The following SNAPC4 variants were observed in gnomAD, a reference collection of about 807,000 sequenced individuals.
SNAPC4 encodes small nuclear RNA activating complex polypeptide 4.
SNAPC4 carries 127 observed loss-of-function variants against 151.3 expected under a neutral mutation model. The ratio of observed to expected loss-of-function variants is 0.84; its 90% CI spans 0.73 to 0.97. The LOEUF (loss-of-function observed/expected upper bound fraction) is 0.97, where lower values mean the gene tolerates loss of function less well. SNAPC4 is among the 50% of genes least tolerant of loss of function. The probability of loss-of-function intolerance (pLI) is 0.00; values close to 1 mark genes in which losing one functional copy is unlikely to be tolerated. For missense variants in SNAPC4, 2,186 were observed against 1,935.0 expected (o/e 1.13, Z -2.43); for synonymous variants, 1,002 against 824.4 (o/e 1.22, Z -3.69).
In SNAPC4 at chr9:136,377,592, G is replaced by A. The variant is rs760374521; in HGVS notation, c.4235C>T (p.Ala1412Val). ...GCAGCCCGGCTGCCCGTCCCTGTCT[G>A]CAAGTTCCAGCTCACTCAGGAGGTC... Reference protein sequence around the residue: ...DEDLLSELELADRDGQPGCTT... With the variant: ...DEDLLSELELVDRDGQPGCTT... Residue 1412 changes from alanine to valine, a missense_variant, in exon 22 of 24, where the codon GCA becomes GTA. Physicochemically the swap from Ala to Val is moderately conservative, Grantham distance 64. Transcript: ENST00000684778. 1 of 1,531,374 alleles carries A rather than the reference G, an allele frequency of 6.5e-7. No individual in the cohort carries two copies. The highest frequency in any genetic ancestry group is 1.3e-5 in the South Asian group (1 of 80,000). The allele number at this position is 1,531,374 out of a possible 1,614,324, so 94.9% of individuals were successfully genotyped here.
chr9:136,392,157 C>A, intron 9 of SNAPC4, 51 bp from the exon 10 acceptor site: 1 of 1,599,986 alleles, frequency 6.3e-7, no homozygotes, highest in Non-Finnish European at 8.5e-7. Context: ...CCAGGGGCAC[C>A]CTAGACGCAG....
chr9:136,385,141 C>T (rs1289935819), intron 13 of SNAPC4, among the ~76,000 whole-genome samples: 1 of 152,222 alleles, frequency 6.6e-6, no homozygotes, highest in Non-Finnish European at 1.5e-5. Flanking sequence ...CTTCAACAGA[C>T]ACTTCTCTAA....
intron 11 of SNAPC4, 45 bp from the exon 12 acceptor site, chr9:136,387,893 A>G: frequency 9.2e-7 from 1 of 1,082,508 alleles, no homozygotes. Context: ...CGAGACACAC[A>G]CCCTCCATAG....
chr9:136,380,995 C>T, intron 19 of SNAPC4, 145 bp from the exon 20 acceptor site: 2 of 613,418 alleles, frequency 3.3e-6, no homozygotes, highest in Non-Finnish European at 5.9e-6. Context: ...GATGCAGATG[C>T]AGGGGAGGCC....
At position 136,385,426 on chromosome 9, in the gene SNAPC4, G is replaced by A. The variant is rs554089135; in HGVS notation, c.1326-612C>T. On this transcript the variant is annotated intron_variant, in intron 13 of 23. Coordinates refer to ENST00000684778, the MANE Select transcript of SNAPC4 (RefSeq NM_003086.4). ...CCCGGACCGAGCAATTTCACTCGCA[G>A]GATATAGCTGAGAGAAATAAACAGA... is the stretch of plus-strand genomic sequence containing the variant. Among the ~76,000 whole-genome samples the A allele has an allele frequency of 6.4e-4, 97 of 152,294 alleles. 1 individual carries two copies. The South Asian group carries it at 0.02, about 31-fold the overall frequency.
intron 10 of SNAPC4, among the ~76,000 whole-genome samples, chr9:136,390,517 T>C (rs1834031744): frequency 8.1e-6 from 1 of 124,116 alleles, no homozygotes; most frequent in Admixed American, 1.0e-4. Context: ...ATCGTGCCAC[T>C]GCACTCCAGC....
intron 11 of SNAPC4, 79 bp downstream of exon 11, chr9:136,388,365 A>G: frequency 6.8e-7 from 1 of 1,473,324 alleles, no homozygotes; most frequent in Non-Finnish European, 9.3e-7. Flanking sequence ...CTTCTCTGTG[A>G]ATTTTCCCTG....
intron 1 of SNAPC4, 113 bp from the exon 2 acceptor site, chr9:136,398,550 A>G (rs1158118867): frequency 1.6e-6 from 2 of 1,217,562 alleles, no homozygotes; most frequent in Non-Finnish European, 2.3e-6. Context: ...GGCAGTGGGC[A>G]CTGGGCTCCC....
At chr9:136,377,018 G>T (rs1042954828) in intron 22 of SNAPC4, among the ~76,000 whole-genome samples, 1 of 152,164 alleles carries the variant, frequency 6.6e-6, no homozygotes, top group African/African-American at 2.4e-5. Flanking sequence ...CCTCTCTGGG[G>T]GCCCCAGCTC....
At chr9:136,392,865 G>C (rs1834131241) in intron 7 of SNAPC4, 88 bp from the exon 8 acceptor site, 2 of 1,050,800 alleles carry the variant, frequency 1.9e-6, no homozygotes, top group South Asian at 1.3e-5. Context: ...CAAGGAGTGT[G>C]AGCTCAGCAG....
chr9:136,399,313 A>T (rs979038530), intron 1 of SNAPC4, among the ~76,000 whole-genome samples: 3 of 152,226 alleles, frequency 2.0e-5, no homozygotes, highest in African/African-American at 7.2e-5. Flanking sequence ...TAGCCGCATC[A>T]GCAGCCCAGG....
intron 2 of SNAPC4, among the ~76,000 whole-genome samples, chr9:136,397,738 G>T (rs1834325588): frequency 6.8e-6 from 1 of 146,332 alleles, no homozygotes; most frequent in Non-Finnish European, 1.5e-5. Context: ...AGCACTTGGG[G>T]TGGGGAGCAC....
chr9:136,380,834 G>A lies in SNAPC4; in HGVS notation c.2405C>T (p.Thr802Ile). Residue 802 changes from threonine (T) to isoleucine (I), a missense_variant, in exon 20 of 24, where the codon ACT becomes ATT. Transcript: ENST00000684778. ...TLFTQLFHID[T>I]AGCLEVVRER... ...TCGGACGACCTCCAAGCAGCCGGCA[G>A]TATCGATGTGGAACAGCTGCGGGAC... 1 of 1,606,694 alleles carries A rather than the reference G, an allele frequency of 6.2e-7. No individual in the cohort carries two copies. Among genetic ancestry groups the A allele is most frequent in the South Asian group, 1.1e-5 (1 of 90,980 alleles).
chr9:136,396,624 C>T (rs939355596), intron 3 of SNAPC4, among the ~76,000 whole-genome samples: 4 of 152,148 alleles, frequency 2.6e-5, no homozygotes, highest in Non-Finnish European at 2.9e-5. Context: ...GTGCTGTAAA[C>T]GTCCCCGCTG....
Position 136,377,547 on chromosome 9 carries a change from A to G in SNAPC4, c.4280T>C (p.Ile1427Thr). ...QPGCTTATCP[I>T]QGAPDSGKCS... ...GGGGCTGGGCGCCCACCCTACCTGA[A>G]TGGGGCATGTGGCTGTCGTGCAGCC... Residue 1427 changes from isoleucine (I) to threonine (T), a missense_variant, in exon 22 of 24, where the codon ATT becomes ACT. Coordinates refer to ENST00000684778, the MANE Select transcript of SNAPC4 (RefSeq NM_003086.4). 6.6e-7 allele frequency: 1 copy of G among 1,507,646 alleles called. No individual in the cohort carries two copies. Among genetic ancestry groups the G allele is most frequent in the Non-Finnish European group, 8.9e-7 (1 of 1,127,440 alleles). The allele number at this position is 1,507,646 out of a possible 1,614,324, so 93.4% of individuals were successfully genotyped here.
intron 10 of SNAPC4, among the ~76,000 whole-genome samples, chr9:136,389,585 G>A (rs1292825769): frequency 6.6e-6 from 1 of 152,200 alleles, no homozygotes; most frequent in Non-Finnish European, 1.5e-5. Flanking sequence ...CAACGTGTGT[G>A]AGCCTCGCCC....
At chr9:136,391,653 A>C (rs1408138658) in intron 10 of SNAPC4, among the ~76,000 whole-genome samples, 1 of 152,074 alleles carries the variant, frequency 6.6e-6, no homozygotes, top group East Asian at 1.9e-4. Flanking sequence ...TGATGGAGAC[A>C]GAAGAAGACT....
intron 13 of SNAPC4, 35 bp downstream of exon 13, chr9:136,387,450 C>T (rs754260123): frequency 1.7e-5 from 25 of 1,460,586 alleles, no homozygotes; most frequent in Middle Eastern, 1.7e-4. Context: ...GTGACCCACA[C>T]GGGCCCCTCC....
In SNAPC4 at chr9:136,378,687, G is replaced by A. The variant is rs904171001; in HGVS notation, c.3140C>T (p.Ala1047Val). Reference protein sequence around the residue: ...LPEAPPFLPAAPSPTPLPVQP... With the variant: ...LPEAPPFLPAVPSPTPLPVQP... ...GACGGGCAGTGGGGTGGGGCTGGGG[G>A]CTGCGGGGAGAAAGGGTGGCGCCTC... The change falls in exon 22 of 24, where the codon GCC becomes GTC. Residue 1047 changes from alanine (A) to valine (V), a missense_variant. Transcript: ENST00000684778. 14 of 1,496,302 alleles carry A rather than the reference G, an allele frequency of 9.4e-6. No individual in the cohort carries two copies. Among genetic ancestry groups the A allele is most frequent in the Non-Finnish European group, 1.2e-5 (14 of 1,123,136 alleles). 92.7% of individuals were successfully genotyped at this position (1,496,302 alleles called of 1,614,324 possible).
Sources: allele counts gnomAD v4.1 joint callset (sites outside exome capture counted in the v4.1 genomes callset), GRCh38; gene constraint gnomAD v4.1.1; transcripts MANE v1.5; gene names NCBI Gene and HGNC (gene_info 2026-07-23, HGNC 2026-07-21).